Variants in FGF10 observed in about 807,000 individuals in gnomAD.
The protein encoded by FGF10 is FGF-10.
A neutral mutation model predicts 19.8 loss-of-function variants in FGF10; 2 were observed. The observed-to-expected ratio is 0.10, with a 90% CI of 0.04 to 0.32. The LOEUF is 0.32. Among genes scored for constraint, FGF10 ranks in the 10% least tolerant of loss-of-function variants. The probability of loss-of-function intolerance (pLI) is 1.00; values close to 1 mark genes in which losing one functional copy is unlikely to be tolerated. For missense variants in FGF10, 191 were observed against 246.3 expected, an observed-to-expected ratio of 0.78 and a Z score of 1.50; for synonymous variants, 112 against 94.0, an observed-to-expected ratio of 1.19 and a Z score of -1.10.
intron 1 of FGF10, among the ~76,000 whole-genome samples, chr5:44,355,605 T>C (rs1741328599): frequency 6.6e-6 from 1 of 151,302 alleles, no homozygotes; most frequent in African/African-American, 2.4e-5. Flanking sequence ...GGAAGACTAA[T>C]TGTTAGTGCA....
rs1156942959 is a variant in FGF10 at position 44,301,686 on chromosome 5, A to G, written c.*3309T>C. 6.6e-6 allele frequency among the ~76,000 whole-genome samples: 1 copy of G among 152,170 alleles called. No homozygotes were observed. The highest frequency in any genetic ancestry group is 1.5e-5 in the Non-Finnish European group (1 of 68,022). ...ATTAGAGTAAAGATAGCTAACTCACACATGTGAAACATTAGAGAAAACTTA... is the reference window on the plus strand; with the variant it reads ...ATTAGAGTAAAGATAGCTAACTCACGCATGTGAAACATTAGAGAAAACTTA... On this transcript the variant is annotated 3_prime_UTR_variant, in exon 3 of 3. Transcript: ENST00000264664.
intron 1 of FGF10, among the ~76,000 whole-genome samples, chr5:44,331,704 A>C (rs150378528): frequency 1.4e-4 from 22 of 152,238 alleles, no homozygotes; most frequent in African/African-American, 4.8e-4. Context: ...TGAGTCTGAC[A>C]CAATGTTGTT....
intron 1 of FGF10, among the ~76,000 whole-genome samples, chr5:44,363,678 C>T (rs1437709958): frequency 1.3e-5 from 2 of 151,874 alleles, no homozygotes; most frequent in African/African-American, 2.4e-5. Flanking sequence ...TATCTTTCTT[C>T]ATTGAAACAG....
At chr5:44,344,152 C>T (rs1478456460) in intron 1 of FGF10, among the ~76,000 whole-genome samples, 3 of 151,822 alleles carry the variant, frequency 2.0e-5, no homozygotes, top group Non-Finnish European at 2.9e-5. Flanking sequence ...AGCAAAGAGA[C>T]GTCCATAGAG....
At chr5:44,352,184 T>A (rs1243867623) in intron 1 of FGF10, among the ~76,000 whole-genome samples, 2 of 151,732 alleles carry the variant, frequency 1.3e-5, no homozygotes, top group East Asian at 3.9e-4. Context: ...GATAACGCCA[T>A]GCCACTTACA....
chr5:44,357,577 C>T (rs919730349), intron 1 of FGF10, among the ~76,000 whole-genome samples: 6 of 151,368 alleles, frequency 4.0e-5, no homozygotes, highest in Non-Finnish European at 8.9e-5. Flanking sequence ...AGGTAATAGG[C>T]ACATGAGGCT....
chr5:44,362,711 G>A (rs561232672), intron 1 of FGF10, among the ~76,000 whole-genome samples: 1 of 151,668 alleles, frequency 6.6e-6, no homozygotes, highest in East Asian at 2.0e-4. Context: ...TACTCAAAAT[G>A]TCCCTAATGT....
chr5:44,365,294 C>T (rs1417522157), intron 1 of FGF10, among the ~76,000 whole-genome samples: 3 of 137,556 alleles, frequency 2.2e-5, no homozygotes, highest in African/African-American at 5.4e-5. Flanking sequence ...CAGTCAGCTC[C>T]TTTTGGTCTC....
chr5:44,369,413 T>C (rs1225679030), intron 1 of FGF10, among the ~76,000 whole-genome samples: 1 of 152,086 alleles, frequency 6.6e-6, no homozygotes, highest in Non-Finnish European at 1.5e-5. Flanking sequence ...CTTTGAGGGC[T>C]AGGTTCCCGC....
chr5:44,358,718 G>T (rs1329027642), intron 1 of FGF10, among the ~76,000 whole-genome samples: 1 of 151,406 alleles, frequency 6.6e-6, no homozygotes, highest in East Asian at 1.9e-4. Context: ...GCTCACCCCA[G>T]GCTTGCAACA....
At chr5:44,333,596 A>C (rs1266661962) in intron 1 of FGF10, among the ~76,000 whole-genome samples, 2 of 152,172 alleles carry the variant, frequency 1.3e-5, no homozygotes, top group African/African-American at 4.8e-5. Flanking sequence ...ATACATAAGG[A>C]AGCTGAAACT....
At chr5:44,378,517 T>C (rs1010691605) in intron 1 of FGF10, among the ~76,000 whole-genome samples, 1 of 152,166 alleles carries the variant, frequency 6.6e-6, no homozygotes, top group Admixed American at 6.5e-5. Flanking sequence ...GTGCAAGCTC[T>C]GCCTCCCGGG....
rs116833082 is a variant in FGF10, at chr5:44,338,213, G to A, written c.326-27683C>T. On this transcript the variant is annotated intron_variant, in intron 1 of 2. Coordinates refer to ENST00000264664, the MANE Select transcript of FGF10 (RefSeq NM_004465.2). ...TATATTATCTTAAATAACACATATA[G>A]TTTTTACATATCTGAAAGAAGGAAG... 4.1e-3 allele frequency among the ~76,000 whole-genome samples: 623 copies of A among 152,134 alleles called. 5 individuals carry two copies. The highest frequency in any genetic ancestry group is 0.013 in the African/African-American group (529 of 41,520).
intron 1 of FGF10, among the ~76,000 whole-genome samples, chr5:44,360,647 T>G (rs1741459615): frequency 1.3e-5 from 2 of 151,652 alleles, no homozygotes. Flanking sequence ...TTATAGGTAC[T>G]TATCAGAATA....
At chr5:44,354,146 T>TA (rs1249796446) in intron 1 of FGF10, among the ~76,000 whole-genome samples, 4 of 151,350 alleles carry the variant, frequency 2.6e-5, no homozygotes, top group African/African-American at 7.3e-5. Context: ...ACAGACTCCT[T>TA]AACAAAGAAT....
intron 2 of FGF10, among the ~76,000 whole-genome samples, chr5:44,306,438 C>T (rs930545892): frequency 3.9e-4 from 60 of 152,258 alleles, no homozygotes; most frequent in African/African-American, 1.4e-3. Context: ...AGAGAAGTAG[C>T]TTCTTTTCTT....
At chr5:44,367,972 C>A (rs1741657527) in intron 1 of FGF10, among the ~76,000 whole-genome samples, 1 of 151,526 alleles carries the variant, frequency 6.6e-6, no homozygotes, top group African/African-American at 2.4e-5. Context: ...CAAAACCTTG[C>A]CCAAGATCAA....
chr5:44,359,400 T>C (rs1297024173), intron 1 of FGF10, among the ~76,000 whole-genome samples: 1 of 151,478 alleles, frequency 6.6e-6, no homozygotes, highest in African/African-American at 2.4e-5. Flanking sequence ...ACATTTGTCA[T>C]TGCATAGCAT....
intron 2 of FGF10, among the ~76,000 whole-genome samples, chr5:44,308,248 G>A (rs1250834805): frequency 6.6e-6 from 1 of 152,118 alleles, no homozygotes; most frequent in African/African-American, 2.4e-5. Flanking sequence ...AAAAAGAGGA[G>A]AAATGTGAAG....
Sources: gnomAD v4.1 joint callset for allele counts (sites outside exome capture counted in the v4.1 genomes callset) on GRCh38, gnomAD v4.1.1 for gene constraint, MANE v1.5 for transcripts, NCBI Gene and HGNC (gene_info 2026-07-23, HGNC 2026-07-21) for gene names.